Variants in ROBO2 observed in about 807,000 individuals in gnomAD.
The protein encoded by ROBO2 is roundabout homolog 2.
ROBO2 carries 53 observed loss-of-function variants against 160.8 expected under a neutral mutation model. The observed-to-expected ratio is 0.33, with a 90% confidence interval of 0.26 to 0.41. ROBO2 has a LOEUF of 0.41. ROBO2 is among the 10% of genes least tolerant of loss of function. ROBO2 has a pLI of 1.00. For synonymous variants in ROBO2, 664 were observed against 611.7 expected (o/e 1.09, Z -1.26); for missense variants, 1,577 against 1,722.4 (o/e 0.92, Z 1.49).
intron 2 of ROBO2, among the ~76,000 whole-genome samples, chr3:76,043,319 C>G (rs1416372123): frequency 6.6e-6 from 1 of 151,772 alleles, no homozygotes; most frequent in African/African-American, 2.4e-5. Context: ...AAGGGGTCTT[C>G]TTGAGCCTAA....
chr3:76,689,304 T>C (rs1426427491), intron 2 of ROBO2, among the ~76,000 whole-genome samples: 2 of 152,112 alleles, frequency 1.3e-5, no homozygotes, highest in African/African-American at 2.4e-5. Context: ...TTAATAAATC[T>C]TGTACTAGTG....
intron 2 of ROBO2, among the ~76,000 whole-genome samples, chr3:75,947,734 C>CCCCTT (rs1948367717): frequency 6.6e-6 from 1 of 152,020 alleles, no homozygotes; most frequent in Admixed American, 6.6e-5. Context: ...TCAATAAAAC[C>CCCCTT]TTTGGGGGCA....
intron 2 of ROBO2, among the ~76,000 whole-genome samples, chr3:76,728,186 CACAA>C (rs1163292657): frequency 2.0e-5 from 3 of 152,008 alleles, no homozygotes; most frequent in Non-Finnish European, 2.9e-5. Context: ...TTTGCTATAC[CACAA>C]ACAAACAATT....
chr3:77,638,606 C>T (rs1328550498), intron 24 of ROBO2, among the ~76,000 whole-genome samples: 1 of 152,144 alleles, frequency 6.6e-6, no homozygotes, highest in Non-Finnish European at 1.5e-5. Context: ...GAAAAACCCA[C>T]ACACATCTTA....
At chr3:76,387,345 C>G (rs1036434649) in intron 2 of ROBO2, among the ~76,000 whole-genome samples, 1 of 151,900 alleles carries the variant, frequency 6.6e-6, no homozygotes, top group Non-Finnish European at 1.5e-5. Context: ...GGGCAGGTTT[C>G]CCAGAGAAAA....
At chr3:76,597,241 A>G (rs1228891868) in intron 2 of ROBO2, among the ~76,000 whole-genome samples, 1 of 152,080 alleles carries the variant, frequency 6.6e-6, no homozygotes, top group Non-Finnish European at 1.5e-5. Context: ...AACAATTCAT[A>G]AAAGAAAAAA....
intron 2 of ROBO2, among the ~76,000 whole-genome samples, chr3:76,769,470 G>T (rs935294197): frequency 6.6e-6 from 1 of 151,248 alleles, no homozygotes; most frequent in Non-Finnish European, 1.5e-5. Context: ...TCAGTGATCT[G>T]CATTGACCTA....
chr3:77,508,146 C>T (rs1214123792), intron 5 of ROBO2, among the ~76,000 whole-genome samples: 1 of 151,622 alleles, frequency 6.6e-6, no homozygotes, highest in Non-Finnish European at 1.5e-5. Context: ...ATCTTGTTCT[C>T]AGAACTGCAG....
At chr3:76,577,564 T>G (rs2085385909) in intron 2 of ROBO2, among the ~76,000 whole-genome samples, 1 of 152,134 alleles carries the variant, frequency 6.6e-6, no homozygotes, top group Non-Finnish European at 1.5e-5. Context: ...CAAAAGCAGT[T>G]TATACATGCT....
chr3:77,377,285 C>T (rs55864665), intron 2 of ROBO2, among the ~76,000 whole-genome samples: 18,599 of 152,204 alleles, frequency 0.12, 1,334 homozygotes, highest in Middle Eastern at 0.17. Context: ...ATCCATTGCT[C>T]TTTCCAATGG....
At chr3:76,154,465 G>T (rs2072327881) in intron 2 of ROBO2, among the ~76,000 whole-genome samples, 1 of 152,080 alleles carries the variant, frequency 6.6e-6, no homozygotes, top group African/African-American at 2.4e-5. Context: ...ATACCAAAAG[G>T]ATTTCAAGGT....
chr3:76,427,801 G>C (rs1321274487), intron 2 of ROBO2, among the ~76,000 whole-genome samples: 1 of 152,038 alleles, frequency 6.6e-6, no homozygotes. Flanking sequence ...AAATGAGAAG[G>C]CTTCTTTTTC....
intron 2 of ROBO2, among the ~76,000 whole-genome samples, chr3:76,949,014 G>A (rs1167828600): frequency 4.1e-5 from 6 of 146,458 alleles, no homozygotes; most frequent in African/African-American, 1.3e-4. Context: ...GCCTCCCAAA[G>A]TGCTGGGATT....
At chr3:76,076,124 A>G (rs2068637739) in intron 2 of ROBO2, among the ~76,000 whole-genome samples, 1 of 152,198 alleles carries the variant, frequency 6.6e-6, no homozygotes. Flanking sequence ...TCACATTGAA[A>G]TGTTTTTCCA....
Position 77,131,981 on chromosome 3 carries a change from C to T in ROBO2, c.388+33641C>T, listed in dbSNP as rs1338635555. Among the ~76,000 whole-genome samples the T allele has an allele frequency of 2.0e-5, 3 of 151,996 alleles. No homozygotes were observed. In the East Asian group the frequency reaches 5.8e-4, roughly 29 times the overall value. ...TAGTGTCATTAAAATAGGGAAAATA[C>T]ATTATTAAGTTATAAAGTGAATTCA... On this transcript the variant is annotated intron_variant, in intron 2 of 25. Coordinates refer to ENST00000461745, the Ensembl canonical transcript of ROBO2.
At chr3:77,004,453 C>T (rs369921870) in intron 2 of ROBO2, among the ~76,000 whole-genome samples, 29 of 152,190 alleles carry the variant, frequency 1.9e-4, no homozygotes, top group African/African-American at 6.8e-4. Context: ...GAAGCCATGC[C>T]TACTCCCACA....
At chr3:76,605,623 A>G (rs976248656) in intron 2 of ROBO2, among the ~76,000 whole-genome samples, 5 of 152,178 alleles carry the variant, frequency 3.3e-5, no homozygotes, top group Non-Finnish European at 7.4e-5. Flanking sequence ...CACAAAGGAT[A>G]AGACTGGAGT....
At chr3:77,263,041 G>A (rs1223103773) in intron 2 of ROBO2, among the ~76,000 whole-genome samples, 1 of 152,130 alleles carries the variant, frequency 6.6e-6, no homozygotes, top group Non-Finnish European at 1.5e-5. Context: ...GTAACTAAAT[G>A]CAAGATTCTG....
intron 2 of ROBO2, among the ~76,000 whole-genome samples, chr3:76,510,235 C>T (rs932860876): frequency 2.6e-5 from 4 of 152,030 alleles, no homozygotes; most frequent in East Asian, 1.9e-4. Flanking sequence ...CTATGACTGA[C>T]AGTGATAAGA....
Sources: allele counts gnomAD v4.1 joint callset (sites outside exome capture counted in the v4.1 genomes callset), GRCh38; gene constraint gnomAD v4.1.1; transcripts MANE v1.5; gene names NCBI Gene and HGNC (gene_info 2026-07-23, HGNC 2026-07-21).